The following MEPE variants were observed in gnomAD, a reference collection of about 807,000 sequenced individuals.
MEPE encodes matrix extracellular phosphoglycoprotein, also known as matrix, extracellular phosphoglycoprotein with ASARM motif (bone).
A neutral mutation model predicts 7.3 loss-of-function variants in MEPE; 7 were observed. That is an observed-to-expected ratio of 0.95 (90% CI 0.54 to 1.79). The LOEUF (loss-of-function observed/expected upper bound fraction) is 1.79, where lower values mean the gene tolerates loss of function less well. Ranked by LOEUF, MEPE falls within the 40% of genes most tolerant of loss-of-function variation. MEPE has a pLI of 0.00. For missense variants in MEPE, 623 were observed against 628.2 expected (o/e 0.99, Z 0.09); for synonymous variants, 214 against 213.1 (o/e 1.00, Z -0.04).
rs777929696 is a variant in MEPE, at chr4:87,845,617, A to G, written c.749A>G (p.Asn250Ser). The change falls in exon 4 of 4, where the codon AAT becomes AGT. Residue 250 changes from asparagine to serine, a missense_variant. Physicochemically the swap from Asn to Ser is conservative, Grantham distance 46 (BLOSUM62 1). Coordinates refer to ENST00000361056, the MANE Select transcript of MEPE (RefSeq NM_020203.6). ...ACAGATCTTCAAGAGAGAGGGGACA[A>G]TGATATATCTCCTTTCAGTGGGGAC... ...GYTDLQERGD[N>S]DISPFSGDGQ... The G allele has an allele frequency of 1.1e-5, 17 of 1,613,864 alleles. No individual in the cohort carries two copies. The South Asian group carries it at 1.6e-4, about 16-fold the overall frequency.
At chr4:87,828,464 T>A (rs931884634), upstream of MEPE, among the ~76,000 whole-genome samples, 4 of 152,050 alleles carry the variant, frequency 2.6e-5, no homozygotes, top group Non-Finnish European at 5.9e-5. Flanking sequence ...GGGACCATGA[T>A]AGCAGGGGAA....
At chr4:87,823,170 C>T (rs898651959) in intron 1 of MEPE, among the ~76,000 whole-genome samples, 3 of 152,266 alleles carry the variant, frequency 2.0e-5, no homozygotes, top group South Asian at 4.1e-4. Flanking sequence ...TGCAGGACCT[C>T]GCCAGGCAGT....
At chr4:87,838,324 C>T (rs1722878484) in intron 2 of MEPE, among the ~76,000 whole-genome samples, 1 of 152,156 alleles carries the variant, frequency 6.6e-6, no homozygotes, top group Non-Finnish European at 1.5e-5. Context: ...CAAGCTCCTT[C>T]GTCTGGGGTG....
chr4:87,835,826 T>C (rs1381966), intron 2 of MEPE, among the ~76,000 whole-genome samples: 112,363 of 152,098 alleles, frequency 0.74, 42,047 homozygotes, highest in African/African-American at 0.81. Context: ...TAGCTCAAGT[T>C]GGCCAGCTGA....
intron 1 of MEPE, among the ~76,000 whole-genome samples, chr4:87,833,655 C>T (rs1722668054): frequency 2.0e-5 from 3 of 151,994 alleles, no homozygotes; most frequent in Admixed American, 1.3e-4. Flanking sequence ...ATTGTTTTCA[C>T]AATATAATAA....
chr4:87,821,649 A>C (rs1722341218), intron 1 of MEPE, among the ~76,000 whole-genome samples: 1 of 152,174 alleles, frequency 6.6e-6, no homozygotes, highest in African/African-American at 2.4e-5. Flanking sequence ...TGCTTTGTGG[A>C]AATGAAAAGA....
chr4:87,839,093 G>T (rs914241950), intron 3 of MEPE, among the ~76,000 whole-genome samples: 1 of 152,148 alleles, frequency 6.6e-6, no homozygotes, highest in South Asian at 2.1e-4. Flanking sequence ...AGATCTGAAT[G>T]GGGAATTCTA....
Position 87,839,898 on chromosome 4 carries a change from G to A in MEPE, c.108+1213G>A, listed in dbSNP as rs773763046. 1.9e-5 allele frequency: 29 copies of A among 1,539,400 alleles called. No homozygotes were observed. In the South Asian group the frequency reaches 3.2e-4, roughly 17 times the overall value. On this transcript the variant is annotated intron_variant, in intron 3 of 3. Transcript: ENST00000361056. ...CTCTGGGGTTTCTGTCTTATGGCTG[G>A]CACTTTTGTCCCTTCCCTCCCTCCC...
intron 3 of MEPE, among the ~76,000 whole-genome samples, chr4:87,844,585 AAGAGAGAGAG>A (rs375234094): frequency 6.7e-6 from 1 of 150,192 alleles, no homozygotes; most frequent in Non-Finnish European, 1.5e-5. Flanking sequence ...AGAAAAGAGA[AAGAGAGAGAG>A]AGAGAGAGAG....
chr4:87,846,547 T>G lies in MEPE; in HGVS notation c.*101T>G, dbSNP rs992011363. 1 of 1,346,956 alleles carries G rather than the reference T, an allele frequency of 7.4e-7. No individual in the cohort carries two copies. The highest frequency in any genetic ancestry group is 1.0e-6 in the Non-Finnish European group (1 of 988,936). The allele number at this position is 1,346,956 out of a possible 1,614,324, so 83.4% of individuals were successfully genotyped here. A position where few individuals can be genotyped will look rare whatever the true frequency, so the allele number is the denominator to read the frequency against. Reference sequence around the variant, plus strand: ...GACAGCTGACCAGGTGAAGAGAGGATAGAGTGAAGAACTGAGTGAGCCAAG... The same window carrying G: ...GACAGCTGACCAGGTGAAGAGAGGAGAGAGTGAAGAACTGAGTGAGCCAAG... On this transcript the variant is annotated 3_prime_UTR_variant, in exon 4 of 4. Coordinates refer to ENST00000361056, the MANE Select transcript of MEPE (RefSeq NM_020203.6).
At chr4:87,837,976 C>T (rs1722864343) in intron 2 of MEPE, among the ~76,000 whole-genome samples, 1 of 152,158 alleles carries the variant, frequency 6.6e-6, no homozygotes, top group Non-Finnish European at 1.5e-5. Flanking sequence ...TCACCCTACG[C>T]TACCCTCAAG....
At chr4:87,837,967 C>A (rs1722863719) in intron 2 of MEPE, among the ~76,000 whole-genome samples, 1 of 152,122 alleles carries the variant, frequency 6.6e-6, no homozygotes. Context: ...AGCTACCCCT[C>A]ACCCTACGCT....
At chr4:87,829,889 T>C (rs375182868), upstream of MEPE, among the ~76,000 whole-genome samples, 36 of 128,546 alleles carry the variant, frequency 2.8e-4, no homozygotes, top group African/African-American at 9.1e-4. Flanking sequence ...TTTTGGACTT[T>C]GCTGAAATTC....
At chr4:87,829,707 A>C (rs1049236419), upstream of MEPE, among the ~76,000 whole-genome samples, 1 of 56,322 alleles carries the variant, frequency 1.8e-5, no homozygotes, top group Non-Finnish European at 3.3e-5. Flanking sequence ...AGCATATCCA[A>C]AGTTGAAAAT....
At chr4:87,826,665 C>T (rs891405374) in intron 1 of MEPE, among the ~76,000 whole-genome samples, 7 of 151,954 alleles carry the variant, frequency 4.6e-5, no homozygotes, top group Admixed American at 2.6e-4. Context: ...GTTTTTTTGA[C>T]TTTTTAATAA....
chr4:87,842,323 T>A (rs1723045496), intron 3 of MEPE, among the ~76,000 whole-genome samples: 1 of 152,244 alleles, frequency 6.6e-6, no homozygotes, highest in Non-Finnish European at 1.5e-5. Context: ...TATGAGCTTC[T>A]GGCTGCATGC....
intron 1 of MEPE, among the ~76,000 whole-genome samples, chr4:87,825,535 C>T (rs534790460): frequency 3.3e-5 from 5 of 152,326 alleles, no homozygotes; most frequent in African/African-American, 4.8e-5. Context: ...TTTCTGCACC[C>T]GCTTCAATCT....
upstream of MEPE, among the ~76,000 whole-genome samples, chr4:87,832,708 C>T (rs990528483): frequency 6.6e-6 from 1 of 152,196 alleles, no homozygotes; most frequent in Non-Finnish European, 1.5e-5. Flanking sequence ...TCCTAATTAG[C>T]AGTTCTGAAA....
At chr4:87,836,423 G>GTA (rs147614980) in intron 2 of MEPE, among the ~76,000 whole-genome samples, 2 of 152,048 alleles carry the variant, frequency 1.3e-5, no homozygotes, top group Non-Finnish European at 2.9e-5. Flanking sequence ...ATGTGTGTGT[G>GTA]TGTGTGTGTT....
Sources: allele counts gnomAD v4.1 joint callset (sites outside exome capture counted in the v4.1 genomes callset), GRCh38; gene constraint gnomAD v4.1.1; transcripts MANE v1.5; gene names NCBI Gene and HGNC (gene_info 2026-07-23, HGNC 2026-07-21).